OR2L13: variants seen among roughly 807,000 people sequenced by gnomAD.
OR2L13 encodes olfactory receptor family 2 subfamily L member 13.
OR2L13 carries 14 observed loss-of-function variants against 15.3 expected under a neutral mutation model. The ratio of observed to expected loss-of-function variants is 0.91; its 90% CI spans 0.60 to 1.43. The LOEUF (loss-of-function observed/expected upper bound fraction) is 1.43. Ranked by LOEUF, OR2L13 falls within the 40% of genes most tolerant of loss-of-function variation. The pLI is 0.00. For synonymous variants in OR2L13, 152 were observed against 142.9 expected, an observed-to-expected ratio of 1.06 and a Z score of -0.45; for missense variants, 367 against 387.9, an observed-to-expected ratio of 0.95 and a Z score of 0.45.
the OR2L13 span, among the ~76,000 whole-genome samples, chr1:248,085,313 T>C: frequency 2.6e-5 from 4 of 151,222 alleles, no homozygotes; most frequent in Non-Finnish European, 5.9e-5. Flanking sequence ...TCTCAAAAAA[T>C]CACTACTGTC....
At chr1:248,074,287 G>C in the OR2L13 span, among the ~76,000 whole-genome samples, 1 of 151,724 alleles carries the variant, frequency 6.6e-6, no homozygotes, top group African/African-American at 2.4e-5. Flanking sequence ...ACCACCACTA[G>C]AAGGGTTAAA....
At position 248,100,157 on chromosome 1, in the gene OR2L13, C is replaced by T. The variant is rs1377571390; in HGVS notation, c.782C>T (p.Pro261Leu). Residue 261 changes from proline (P) to leucine (L), a missense_variant, in exon 3 of 3, where the codon CCC (proline) becomes CTC (leucine). Transcript: ENST00000641714. The stretch of plus-strand genomic sequence containing the variant: ...CCTTTTGTCTACACCTATCTTCGGC[C>T]CAGGAATCTCCGCTCACCAGCTGAA... The T allele has an allele frequency of 1.9e-6, 3 of 1,614,096 alleles. No homozygotes were observed. Among genetic ancestry groups the T allele is most frequent in the Non-Finnish European group, 2.5e-6 (3 of 1,180,002 alleles).
chr1:248,038,300 C>A, the OR2L13 span: 3 of 1,612,242 alleles, frequency 1.9e-6, no homozygotes, highest in South Asian at 3.3e-5. Context: ...CAACTGATTT[C>A]ATCTTATTGG....
At chr1:248,080,999 CCTT>C in the OR2L13 span, among the ~76,000 whole-genome samples, 1 of 152,164 alleles carries the variant, frequency 6.6e-6, no homozygotes, top group Admixed American at 6.5e-5. Context: ...ATCAGGTACT[CCTT>C]CTTTAACTTA....
chr1:247,990,920 G>T, the OR2L13 span: 2 of 1,480,270 alleles, frequency 1.4e-6, no homozygotes, highest in South Asian at 2.3e-5. Flanking sequence ...TGTTCCTATG[G>T]CCGGATTCTC....
the OR2L13 span, among the ~76,000 whole-genome samples, chr1:248,009,664 T>C: frequency 5.9e-5 from 9 of 151,880 alleles, no homozygotes; most frequent in South Asian, 1.9e-3. Context: ...CCCTCCCTTT[T>C]ATGAGGACAG....
the OR2L13 span, among the ~76,000 whole-genome samples, chr1:247,984,855 T>A: frequency 6.6e-6 from 1 of 151,958 alleles, no homozygotes; most frequent in Non-Finnish European, 1.5e-5. Context: ...TGTCTCCAAC[T>A]AAAATTTTGT....
the OR2L13 span, among the ~76,000 whole-genome samples, chr1:248,054,233 G>T: frequency 6.6e-6 from 1 of 152,036 alleles, no homozygotes; most frequent in African/African-American, 2.4e-5. Flanking sequence ...CCCGTTGCTT[G>T]TTTTTTTCCA....
chr1:247,995,501 C>T, the OR2L13 span, among the ~76,000 whole-genome samples: 6 of 152,148 alleles, frequency 3.9e-5, no homozygotes, highest in African/African-American at 1.2e-4. Context: ...TAGAGTCAGC[C>T]TGCAAAGTGT....
the OR2L13 span, chr1:247,949,268 A>G: frequency 6.2e-7 from 1 of 1,614,064 alleles, no homozygotes; most frequent in Admixed American, 1.7e-5. Flanking sequence ...GCATGAGCAA[A>G]AGAGTGTGTG....
exon 3 of OR2L13, chr1:248,100,117 A>G (rs1430621788): frequency 6.2e-7 from 1 of 1,614,026 alleles, no homozygotes; most frequent in Non-Finnish European, 8.5e-7. Context: ...AACTGTAGTG[A>G]TCTTTTACTA....
chr1:248,038,981 A>G, the OR2L13 span: 16,698 of 1,613,948 alleles, frequency 0.01, 1,338 homozygotes, highest in African/African-American at 0.19. Context: ...AGGCCTATTC[A>G]ACCTGTAGCA....
At chr1:248,098,854 G>A (rs759107641) in intron 2 of OR2L13, 79 bp downstream of exon 2, 1 of 152,492 alleles carries the variant, frequency 6.6e-6, no homozygotes, top group South Asian at 2.1e-4. Context: ...AAAACAAACT[G>A]CCAGATTTGG....
chr1:247,949,514 G>C, the OR2L13 span: 4 of 1,613,972 alleles, frequency 2.5e-6, no homozygotes, highest in Non-Finnish European at 3.4e-6. Flanking sequence ...CCTATGGCCA[G>C]GTTCTCTTTG....
the OR2L13 span, chr1:248,084,438 A>T: frequency 6.3e-7 from 1 of 1,596,310 alleles, no homozygotes; most frequent in Non-Finnish European, 8.5e-7. Flanking sequence ...GGGCGTGTGG[A>T]GCCGGCCGGT....
the OR2L13 span, among the ~76,000 whole-genome samples, chr1:247,960,662 C>T: frequency 3.3e-5 from 5 of 152,176 alleles, no homozygotes; most frequent in South Asian, 2.1e-4. Context: ...CCCCCAGCCT[C>T]GCTGCCACCT....
the OR2L13 span, among the ~76,000 whole-genome samples, chr1:248,069,482 C>T: frequency 6.6e-6 from 1 of 152,174 alleles, no homozygotes; most frequent in Non-Finnish European, 1.5e-5. Context: ...TAGCACTAAA[C>T]ATGGAAAGGA....
Position 248,100,048 on chromosome 1 carries a change from T to C in OR2L13, c.673T>C (p.Tyr225His), listed in dbSNP as rs756608689. 6.2e-6 allele frequency: 10 copies of C among 1,614,048 alleles called. No individual in the cohort carries two copies. The Admixed American group carries it at 1.7e-4, about 27-fold the overall frequency. ...CTGTGGCCGAGTCCTATTTGCTGTC[T>C]ATCATATGCACTCAAAGGAGGGGAG... is the stretch of plus-strand genomic sequence containing the variant. Residue 225 changes from tyrosine (Y) to histidine (H), a missense_variant, in exon 3 of 3, where the codon TAT (tyrosine) becomes CAT (histidine). Physicochemically the swap from Tyr to His is moderately conservative, Grantham distance 83. Coordinates refer to ENST00000641714, the Ensembl canonical transcript of OR2L13.
At chr1:248,099,298 T>C in intron 2 of OR2L13, 60 bp from the exon 3 acceptor site, 3 of 983,166 alleles carry the variant, frequency 3.1e-6, no homozygotes, top group South Asian at 3.2e-5. Context: ...TTTTTGTTTT[T>C]CTATTGTGTT....
Sources: gnomAD v4.1 joint callset for allele counts (sites outside exome capture counted in the v4.1 genomes callset) on GRCh38, gnomAD v4.1.1 for gene constraint, MANE v1.5 for transcripts, NCBI Gene and HGNC (gene_info 2026-07-23, HGNC 2026-07-21) for gene names.